CELF2: variants seen among roughly 807,000 people sequenced by gnomAD.
The protein encoded by CELF2 is CUGBP Elav-like family member 2.
A neutral mutation model predicts 62.6 loss-of-function variants in CELF2; 8 were observed. The ratio of observed to expected loss-of-function variants is 0.13; its 90% CI spans 0.07 to 0.23. The LOEUF is 0.23. Ranked by LOEUF, CELF2 falls within the 10% of genes least tolerant of loss-of-function variation. The pLI is 1.00. For synonymous variants in CELF2, 258 were observed against 250.0 expected, an observed-to-expected ratio of 1.03 and a Z score of -0.30; for missense variants, 333 against 671.0, an observed-to-expected ratio of 0.50 and a Z score of 5.56.
intron 2 of CELF2, among the ~76,000 whole-genome samples, chr10:11,184,166 A>T (rs1466102533): frequency 2.6e-5 from 4 of 152,064 alleles, no homozygotes; most frequent in African/African-American, 7.2e-5. Context: ...TCCTTTCTCC[A>T]CTGATTGCTT....
At chr10:10,522,490 G>A in the CELF2 span, among the ~76,000 whole-genome samples, 56 of 152,178 alleles carry the variant, frequency 3.7e-4, no homozygotes, top group Non-Finnish European at 7.2e-4. Context: ...CCATCTACAG[G>A]GCACTCCAAG....
chr10:10,755,029 A>G, the CELF2 span, among the ~76,000 whole-genome samples: 1 of 152,248 alleles, frequency 6.6e-6, no homozygotes, highest in Non-Finnish European at 1.5e-5. Context: ...CCAAGATGAT[A>G]CAAATTGATA....
At chr10:10,563,273 G>C in the CELF2 span, among the ~76,000 whole-genome samples, 2 of 152,100 alleles carry the variant, frequency 1.3e-5, no homozygotes. Flanking sequence ...AAGGGGTAGG[G>C]TGGGAGGATC....
At chr10:11,122,133 C>T (rs755193294) in intron 1 of CELF2, among the ~76,000 whole-genome samples, 1 of 152,216 alleles carries the variant, frequency 6.6e-6, no homozygotes, top group Admixed American at 6.5e-5. Context: ...TTGAATGGAA[C>T]ATTCTTTTTT....
rs2093354819 is a variant in CELF2, at chr10:11,297,925, T to G, written c.976+9373T>G. Among the ~76,000 whole-genome samples the G allele has an allele frequency of 6.6e-6, 1 of 152,166 alleles. No homozygotes were observed. Among genetic ancestry groups the G allele is most frequent in the Admixed American group, 6.5e-5 (1 of 15,282 alleles). On this transcript the variant is annotated intron_variant, in intron 9 of 12. Transcript: ENST00000633077. The surrounding 1 kb of genome is among the most constrained non-coding windows in gnomAD (Gnocchi z 4.4). ...TGAACCCAGGAGGCAGAGGTTGCAG[T>G]GAGCCGAGATCACGTCACTGCACTC... is the stretch of plus-strand genomic sequence containing the variant.
intron 2 of CELF2, among the ~76,000 whole-genome samples, chr10:11,176,261 C>T (rs1249092970): frequency 6.6e-6 from 1 of 152,164 alleles, no homozygotes; most frequent in Non-Finnish European, 1.5e-5. Flanking sequence ...CACTGATGAG[C>T]CTTTCTGAGG....
At chr10:10,980,353 A>G (rs955506959) in intron 2 of CELF2, among the ~76,000 whole-genome samples, 4 of 152,116 alleles carry the variant, frequency 2.6e-5, no homozygotes, top group Admixed American at 6.5e-5. Flanking sequence ...TCCCCCCCCA[A>G]GATGGTACCC....
At chr10:10,991,693 C>T (rs1189974161) in intron 2 of CELF2, among the ~76,000 whole-genome samples, 1 of 152,100 alleles carries the variant, frequency 6.6e-6, no homozygotes, top group East Asian at 1.9e-4. Flanking sequence ...TACAGAAAGC[C>T]ACTGCAGCTG....
At chr10:10,592,876 C>T in the CELF2 span, among the ~76,000 whole-genome samples, 4 of 152,108 alleles carry the variant, frequency 2.6e-5, no homozygotes, top group Non-Finnish European at 2.9e-5. Context: ...CATTTGGAAG[C>T]GTGGTGATAG....
intron 1 of CELF2, among the ~76,000 whole-genome samples, chr10:11,161,263 T>G (rs1429571193): frequency 6.6e-6 from 1 of 152,246 alleles, no homozygotes; most frequent in Non-Finnish European, 1.5e-5. Flanking sequence ...TCTTATTCCA[T>G]ATGGCATCTG....
intron 1 of CELF2, among the ~76,000 whole-genome samples, chr10:10,904,454 ACTC>A (rs1258008396): frequency 6.6e-6 from 1 of 151,550 alleles, no homozygotes; most frequent in African/African-American, 2.4e-5. Flanking sequence ...CTGGTCATGA[ACTC>A]CTGGCCTCAA....
chr10:10,493,141 C>T, the CELF2 span, among the ~76,000 whole-genome samples: 1 of 152,134 alleles, frequency 6.6e-6, no homozygotes, highest in Admixed American at 6.5e-5. Flanking sequence ...CATGGATGAA[C>T]CTTGAGGACA....
intron 1 of CELF2, among the ~76,000 whole-genome samples, chr10:11,138,856 A>G (rs1169700185): frequency 2.0e-5 from 3 of 152,230 alleles, no homozygotes; most frequent in Admixed American, 2.0e-4. Context: ...ATAAATTATC[A>G]AGTGTAAGTG....
Position 11,211,508 on chromosome 10 carries a change from G to A in CELF2, c.272-5917G>A, listed in dbSNP as rs1293207160. Among the ~76,000 whole-genome samples the A allele has an allele frequency of 6.6e-6, 1 of 151,950 alleles. No homozygotes were observed. Among genetic ancestry groups the A allele is most frequent in the African/African-American group, 2.4e-5 (1 of 41,356 alleles). On this transcript the variant is annotated intron_variant, in intron 2 of 12. Transcript: ENST00000633077. This position sits in a 1 kb window ranked among gnomAD's most constrained non-coding sequence, Gnocchi z 4.8. ...CCTCCACACTGAAAAATATAAATAC[G>A]TTATTGCTCTTTGATTCACAGCAAA...
chr10:10,484,769 A>T, the CELF2 span, among the ~76,000 whole-genome samples: 5 of 152,130 alleles, frequency 3.3e-5, no homozygotes, highest in Non-Finnish European at 5.9e-5. Context: ...AAAATTAAAC[A>T]TACCAAATAA....
At chr10:10,892,076 A>G (rs1157330398) in intron 1 of CELF2, among the ~76,000 whole-genome samples, 1 of 152,220 alleles carries the variant, frequency 6.6e-6, no homozygotes, top group Non-Finnish European at 1.5e-5. Flanking sequence ...AAAAACCTTT[A>G]TTTAATTAGA....
At chr10:11,181,242 G>A (rs917171009) in intron 2 of CELF2, among the ~76,000 whole-genome samples, 23 of 152,218 alleles carry the variant, frequency 1.5e-4, no homozygotes, top group African/African-American at 4.6e-4. Flanking sequence ...GTCCTTGTTC[G>A]GTTCCAGGGT....
intron 1 of CELF2, among the ~76,000 whole-genome samples, chr10:10,904,767 TTGATAA>T (rs1233674589): frequency 6.6e-6 from 1 of 152,226 alleles, no homozygotes; most frequent in Non-Finnish European, 1.5e-5. Flanking sequence ...CCCCATACCC[TTGATAA>T]ATACCATTTT....
rs531673528 is a variant in CELF2, at chr10:10,969,565, CCT to C, written c.89+49567_89+49568del. ...TACACACAATATTGCATTCCTTCTCCCTGTTTCTATCTCCTTCTCCCTCCCCT... is the reference window on the plus strand; with the variant it reads ...TACACACAATATTGCATTCCTTCTCCGTTTCTATCTCCTTCTCCCTCCCCT... On this transcript the variant is annotated intron_variant, in intron 2 of 13. Coordinates refer to the CELF2 transcript ENST00000636488. Among the ~76,000 whole-genome samples, 27 of 152,188 alleles carry C rather than the reference CCT, an allele frequency of 1.8e-4. 1 individual carries two copies. The South Asian group carries it at 5.2e-3, about 29-fold the overall frequency.
Sources: gnomAD v4.1 joint callset for allele counts (sites outside exome capture counted in the v4.1 genomes callset) on GRCh38, gnomAD v4.1.1 for gene constraint, Gnocchi (gnomAD v3.1) non-coding constraint, MANE v1.5 for transcripts, NCBI Gene and HGNC (gene_info 2026-07-23, HGNC 2026-07-21) for gene names.